Variants in ATAD2 observed in about 807,000 individuals in gnomAD.
The protein encoded by ATAD2 is ATPase family AAA domain containing 2.
ATAD2 carries 62 observed loss-of-function variants against 168.9 expected under a neutral mutation model. The observed-to-expected ratio is 0.37, with a 90% confidence interval of 0.30 to 0.45. The LOEUF (loss-of-function observed/expected upper bound fraction) is 0.45. Among genes scored for constraint, ATAD2 ranks in the 20% least tolerant of loss-of-function variants. The pLI is 1.00. For missense variants in ATAD2, 1,419 were observed against 1,667.8 expected, an observed-to-expected ratio of 0.85 and a Z score of 2.60; for synonymous variants, 613 against 571.6, an observed-to-expected ratio of 1.07 and a Z score of -1.03.
chr8:123,374,902 A>T lies in ATAD2; in HGVS notation c.321-2216T>A, dbSNP rs541270192. Among the ~76,000 whole-genome samples the T allele has an allele frequency of 2.1e-4, 32 of 152,294 alleles. 2 individuals carry two copies. Among genetic ancestry groups the T allele is most frequent in the Admixed American group, 1.7e-3 (26 of 15,304 alleles). On this transcript the variant is annotated intron_variant, in intron 2 of 27. Coordinates refer to ENST00000287394, the MANE Select transcript of ATAD2 (RefSeq NM_014109.4). ...TAAGAACCCCAGGATCAAGTAAGTA[A>T]GTATGTAGATCGTACCCTCATGACA...
chr8:123,357,787 T>C, intron 11 of ATAD2, 51 bp from the exon 12 acceptor site: 6 of 1,494,206 alleles, frequency 4.0e-6, no homozygotes, highest in Non-Finnish European at 5.4e-6. Context: ...AAGCAGACTT[T>C]TAAAACAAAA....
intron 2 of ATAD2, among the ~76,000 whole-genome samples, chr8:123,373,112 T>G (rs1271517932): frequency 1.3e-4 from 20 of 151,748 alleles, no homozygotes; most frequent in Non-Finnish European, 2.9e-5. Flanking sequence ...CAGGATGGTC[T>G]CGATCTCCTG....
intron 22 of ATAD2, among the ~76,000 whole-genome samples, chr8:123,334,965 C>T (rs541522718): frequency 5.3e-4 from 81 of 152,290 alleles, no homozygotes; most frequent in African/African-American, 1.8e-3. Context: ...GCATTTGGGC[C>T]TGAAGAAAGT....
intron 20 of ATAD2, 113 bp from the exon 21 acceptor site, chr8:123,337,934 G>A (rs2131302689): frequency 3.0e-6 from 3 of 983,942 alleles, no homozygotes; most frequent in East Asian, 2.7e-5. Flanking sequence ...ATATATGCAA[G>A]GAATCCAAAG....
chr8:123,346,019 A>T, intron 18 of ATAD2, 67 bp downstream of exon 18: 1 of 1,261,794 alleles, frequency 7.9e-7, no homozygotes, highest in Non-Finnish European at 1.1e-6. Flanking sequence ...ATACAAAAAA[A>T]TGGGGCAATT....
chr8:123,330,546 T>C (rs1409794079), intron 24 of ATAD2, among the ~76,000 whole-genome samples: 1 of 152,008 alleles, frequency 6.6e-6, no homozygotes, highest in African/African-American at 2.4e-5. Context: ...GTATTTTTAG[T>C]AGTGATGGGG....
At chr8:123,369,503 A>G in intron 7 of ATAD2, 1 of 312,408 alleles carries the variant, frequency 3.2e-6, no homozygotes, top group East Asian at 6.0e-5. Flanking sequence ...CTGTGGTATA[A>G]TATTAACATA....
rs915179695 is a variant in ATAD2 at position 123,351,589 on chromosome 8, A to C, written c.1647-2145T>G. Among the ~76,000 whole-genome samples the C allele has an allele frequency of 3.3e-5, 5 of 152,274 alleles. No homozygotes were observed. In the East Asian group the frequency reaches 7.7e-4, roughly 24 times the overall value. The stretch of plus-strand genomic sequence containing the variant: ...GTGATTTTCCTATACAAAGAACTAC[A>C]CTACTTCATCAACTGCTGAATTACC... On this transcript the variant is annotated intron_variant, in intron 13 of 27. Transcript: ENST00000287394.
At chr8:123,342,724 T>C (rs760840169) in intron 19 of ATAD2, among the ~76,000 whole-genome samples, 6 of 152,134 alleles carry the variant, frequency 3.9e-5, no homozygotes, top group Non-Finnish European at 7.4e-5. Flanking sequence ...AACTTGGAGG[T>C]TCTGTAATCA....
chr8:123,360,017 A>T (rs1828765889), intron 9 of ATAD2, among the ~76,000 whole-genome samples: 1 of 152,234 alleles, frequency 6.6e-6, no homozygotes, highest in Non-Finnish European at 1.5e-5. Flanking sequence ...CAGACAGGGT[A>T]TTTACCATTT....
chr8:123,391,989 T>G, intron 1 of ATAD2, among the ~76,000 whole-genome samples: 1 of 152,178 alleles, frequency 6.6e-6, no homozygotes, highest in Non-Finnish European at 1.5e-5. Context: ...GGGGGATCCT[T>G]TCTACCCTAC....
chr8:123,360,937 CAAAA>C, intron 9 of ATAD2, among the ~76,000 whole-genome samples: 1 of 104,312 alleles, frequency 9.6e-6, no homozygotes, highest in Non-Finnish European at 2.1e-5. Flanking sequence ...TTATTATAAG[CAAAA>C]AAAAAAAAAA....
chr8:123,342,444 T>C (rs939810633), intron 19 of ATAD2: 6 of 151,356 alleles, frequency 4.0e-5, no homozygotes, highest in African/African-American at 1.2e-4. Flanking sequence ...TATACTAAAA[T>C]TGGAACAATA....
chr8:123,386,937 G>C (rs1280182419), intron 1 of ATAD2, among the ~76,000 whole-genome samples: 2 of 151,424 alleles, frequency 1.3e-5, no homozygotes, highest in Non-Finnish European at 2.9e-5. Context: ...AATTATGTGG[G>C]AGTCCTCTAT....
intron 1 of ATAD2, among the ~76,000 whole-genome samples, chr8:123,405,382 G>A (rs1041818397): frequency 6.6e-5 from 10 of 150,818 alleles, no homozygotes; most frequent in Admixed American, 2.0e-4. Context: ...TCAGCCTCCC[G>A]AGTAGCTGGG....
intron 21 of ATAD2, 90 bp downstream of exon 21, chr8:123,337,535 G>T: frequency 8.1e-7 from 1 of 1,233,240 alleles, no homozygotes; most frequent in Non-Finnish European, 1.1e-6. Context: ...AGTTAAGAGT[G>T]TAGGCAGAAC....
chr8:123,350,658 G>A (rs2071048946), intron 13 of ATAD2, among the ~76,000 whole-genome samples: 3 of 152,066 alleles, frequency 2.0e-5, no homozygotes, highest in Admixed American at 1.3e-4. Flanking sequence ...CTTCCTGATA[G>A]GGTCATTTAA....
intron 24 of ATAD2, among the ~76,000 whole-genome samples, chr8:123,331,767 A>C (rs1044795004): frequency 1.3e-5 from 2 of 152,166 alleles, no homozygotes; most frequent in African/African-American, 4.8e-5. Flanking sequence ...CTAAACACAC[A>C]CAAAAAATAC....
At chr8:123,336,255 G>T (rs1416758584) in intron 22 of ATAD2, 118 bp downstream of exon 22, 1 of 889,670 alleles carries the variant, frequency 1.1e-6, no homozygotes, top group Non-Finnish European at 1.6e-6. Flanking sequence ...AATGGTTGTT[G>T]TGAGGATTAA....
Sources: gnomAD v4.1 joint callset for allele counts (sites outside exome capture counted in the v4.1 genomes callset) on GRCh38, gnomAD v4.1.1 for gene constraint, MANE v1.5 for transcripts, NCBI Gene and HGNC (gene_info 2026-07-23, HGNC 2026-07-21) for gene names.